LEKR1: variants seen among roughly 807,000 people sequenced by gnomAD.
LEKR1 encodes leucine, glutamate and lysine rich 1, also known as protein LEKR1.
A neutral mutation model predicts 72.4 loss-of-function variants in LEKR1; 59 were observed. The ratio of observed to expected loss-of-function variants is 0.82; its 90% confidence interval spans 0.66 to 1.01. The LOEUF (loss-of-function observed/expected upper bound fraction) is 1.01, where lower values mean the gene tolerates loss of function less well. LEKR1 is among the 50% of genes least tolerant of loss of function. The pLI, the probability that LEKR1 is intolerant of heterozygous loss-of-function variation, is 0.00. For synonymous variants in LEKR1, 257 were observed against 263.2 expected, an observed-to-expected ratio of 0.98 and a Z score of 0.23; for missense variants, 728 against 759.2, an observed-to-expected ratio of 0.96 and a Z score of 0.48.
At chr3:156,844,938 C>T (rs779524542) in intron 2 of LEKR1, among the ~76,000 whole-genome samples, 10 of 140,312 alleles carry the variant, frequency 7.1e-5, no homozygotes, top group Non-Finnish European at 1.5e-4. Flanking sequence ...CACTACTAAA[C>T]TGTTTTCCAG....
At chr3:156,961,905 G>A (rs964806972) in intron 6 of LEKR1, among the ~76,000 whole-genome samples, 2 of 152,174 alleles carry the variant, frequency 1.3e-5, no homozygotes, top group African/African-American at 4.8e-5. Flanking sequence ...CTTTCCTGAT[G>A]TGATAGCAAA....
At chr3:156,941,165 C>G (rs552795838) in intron 5 of LEKR1, among the ~76,000 whole-genome samples, 3 of 152,068 alleles carry the variant, frequency 2.0e-5, no homozygotes, top group African/African-American at 7.2e-5. Context: ...ATAAAATAAT[C>G]ATTAGACTAT....
intron 5 of LEKR1, among the ~76,000 whole-genome samples, chr3:156,937,009 G>A (rs58894092): frequency 0.019 from 2,961 of 152,212 alleles, 104 homozygotes; most frequent in African/African-American, 0.066. Context: ...GAGTGTAGTA[G>A]CACATGCCTG....
At position 156,980,481 on chromosome 3, in the gene LEKR1, G is replaced by A. The variant is rs557242941; in HGVS notation, c.827+1206G>A. 4.6e-5 allele frequency among the ~76,000 whole-genome samples: 7 copies of A among 152,242 alleles called. No homozygotes were observed. The South Asian group carries it at 1.0e-3, about 23-fold the overall frequency. On this transcript the variant is annotated intron_variant, in intron 7 of 12. Transcript: ENST00000356539. Reference sequence around the variant, plus strand: ...TGGGGTTGAAGGAATTGGTGGACGGGGGTCCTTAGAAGACCCCCTAGGCCC... The same window carrying A: ...TGGGGTTGAAGGAATTGGTGGACGGAGGTCCTTAGAAGACCCCCTAGGCCC...
intron 6 of LEKR1, among the ~76,000 whole-genome samples, chr3:156,952,060 T>C (rs1451339457): frequency 6.6e-6 from 1 of 151,514 alleles, no homozygotes; most frequent in Non-Finnish European, 1.5e-5. Flanking sequence ...CTTGAAATAG[T>C]CAAAATGATA....
rs114061159 is a variant in LEKR1 at position 156,854,007 on chromosome 3, T to C, written c.263+1025T>C. Among the ~76,000 whole-genome samples the C allele has an allele frequency of 6.2e-4, 94 of 152,172 alleles. 1 individual carries two copies. Among genetic ancestry groups the C allele is most frequent in the Admixed American group, 9.8e-4 (15 of 15,284 alleles). On this transcript the variant is annotated intron_variant, in intron 3 of 12. Coordinates refer to ENST00000356539, the MANE Select transcript of LEKR1 (RefSeq NM_001004316.3). Reference sequence around the variant, plus strand: ...AAGTAAAAGAAGTATAGAGAATAAATAATAAGGCAAGAAAGTCTTTGTACC... The same window carrying C: ...AAGTAAAAGAAGTATAGAGAATAAACAATAAGGCAAGAAAGTCTTTGTACC...
chr3:157,040,074 A>G (rs973856829), intron 12 of LEKR1, among the ~76,000 whole-genome samples: 1 of 152,122 alleles, frequency 6.6e-6, no homozygotes, highest in Non-Finnish European at 1.5e-5. Context: ...GCCTTGGGCC[A>G]TGGGGCAGAA....
chr3:156,916,186 G>C (rs949577592), intron 3 of LEKR1, among the ~76,000 whole-genome samples: 1 of 151,974 alleles, frequency 6.6e-6, no homozygotes, highest in African/African-American at 2.4e-5. Flanking sequence ...TTTGAAGTTG[G>C]ATAGTGTGAT....
chr3:157,018,915 A>C (rs1733596490), intron 10 of LEKR1, among the ~76,000 whole-genome samples: 1 of 152,180 alleles, frequency 6.6e-6, no homozygotes, highest in Non-Finnish European at 1.5e-5. Flanking sequence ...ATAGTTCTTG[A>C]CAGGATTTGA....
At chr3:156,932,249 A>G (rs1230285167) in intron 5 of LEKR1, among the ~76,000 whole-genome samples, 2 of 151,752 alleles carry the variant, frequency 1.3e-5, no homozygotes, top group Non-Finnish European at 3.0e-5. Context: ...ATAGTTAAAT[A>G]TTGGAAAAAA....
At chr3:156,909,397 A>G (rs1722881713) in intron 3 of LEKR1, among the ~76,000 whole-genome samples, 1 of 152,084 alleles carries the variant, frequency 6.6e-6, no homozygotes, top group African/African-American at 2.4e-5. Flanking sequence ...CATGCCTGCA[A>G]TCCCAGTACT....
At chr3:156,870,934 G>A (rs1456332246) in intron 3 of LEKR1, among the ~76,000 whole-genome samples, 1 of 151,870 alleles carries the variant, frequency 6.6e-6, no homozygotes, top group Non-Finnish European at 1.5e-5. Context: ...ATAATCATAT[G>A]TTTTATGTCC....
intron 10 of LEKR1, among the ~76,000 whole-genome samples, chr3:157,013,408 T>A (rs550009478): frequency 2.1e-4 from 32 of 152,294 alleles, no homozygotes; most frequent in Admixed American, 8.5e-4. Context: ...AACAAGTTAG[T>A]GTTAGCATCT....
At chr3:156,841,377 T>A (rs1196876069) in intron 2 of LEKR1, among the ~76,000 whole-genome samples, 1 of 152,260 alleles carries the variant, frequency 6.6e-6, no homozygotes, top group Non-Finnish European at 1.5e-5. Flanking sequence ...TTTTCTCTCA[T>A]GTTTGAGATA....
chr3:156,879,872 G>A (rs1399117516), intron 3 of LEKR1, among the ~76,000 whole-genome samples: 2 of 152,190 alleles, frequency 1.3e-5, no homozygotes, highest in African/African-American at 4.8e-5. Context: ...GTCTGCGGGT[G>A]CACAGAAGTC....
intron 3 of LEKR1, among the ~76,000 whole-genome samples, chr3:156,901,717 C>T (rs959679036): frequency 6.6e-6 from 1 of 152,154 alleles, no homozygotes. Context: ...GACGGAGTCT[C>T]ACTCTGTCAC....
Position 156,998,621 on chromosome 3 carries a change from T to C in LEKR1, c.1109+5344T>C, listed in dbSNP as rs145624249. On this transcript the variant is annotated intron_variant, in intron 9 of 12. Coordinates refer to ENST00000356539, the MANE Select transcript of LEKR1 (RefSeq NM_001004316.3). ...ATTAAAGTTAGGTGCAAGTTGCTTATGTGTAAATTATTCTGAGATATAAAT... is the reference window on the plus strand; with the variant it reads ...ATTAAAGTTAGGTGCAAGTTGCTTACGTGTAAATTATTCTGAGATATAAAT... Among the ~76,000 whole-genome samples, 210 of 152,360 alleles carry C rather than the reference T, an allele frequency of 1.4e-3. 1 individual carries two copies. Among genetic ancestry groups the C allele is most frequent in the African/African-American group, 4.9e-3 (202 of 41,588 alleles).
At chr3:156,887,574 GATTA>G (rs1179273892) in intron 3 of LEKR1, among the ~76,000 whole-genome samples, 1 of 152,060 alleles carries the variant, frequency 6.6e-6, no homozygotes, top group Non-Finnish European at 1.5e-5. Context: ...ATATTTTAAT[GATTA>G]ATTTATACAT....
chr3:156,976,528 A>T (rs1378781542), intron 6 of LEKR1, among the ~76,000 whole-genome samples: 22 of 152,028 alleles, frequency 1.4e-4, no homozygotes, highest in Admixed American at 1.4e-3. Context: ...TATATATTTA[A>T]GCTTTCTAAA....
Sources: allele counts gnomAD v4.1 joint callset (sites outside exome capture counted in the v4.1 genomes callset), GRCh38; gene constraint gnomAD v4.1.1; transcripts MANE v1.5; gene names NCBI Gene and HGNC (gene_info 2026-07-23, HGNC 2026-07-21).